Variants in DST observed in about 807,000 individuals in gnomAD.
The protein encoded by DST is bullous pemphigoid antigen.
Under a neutral mutation model 875.2 loss-of-function variants are expected in DST, and 253 were observed. The observed-to-expected ratio is 0.29, with a 90% CI of 0.26 to 0.32. The LOEUF is 0.32. Among genes scored for constraint, DST ranks in the 10% least tolerant of loss-of-function variants. The probability of loss-of-function intolerance (pLI) is 1.00; values close to 1 mark genes in which losing one functional copy is unlikely to be tolerated. For missense variants in DST, 8,287 were observed against 9,111.6 expected (o/e 0.91, Z 3.68); for synonymous variants, 3,124 against 3,197.1 (o/e 0.98, Z 0.77).
chr6:56,607,507 C>G lies in DST; in HGVS notation c.7121G>C (p.Arg2374Pro), dbSNP rs111657428. Residue 2374 changes from arginine to proline, a missense_variant, in exon 40 of 104, where the codon CGA becomes CCA. Arg to Pro is a moderately radical substitution (Grantham distance 103, BLOSUM62 -2). This residue lies in a region of DST where 3,138 missense variants were observed against 3,116.6 expected (regional missense o/e 1.01). Coordinates refer to ENST00000680361, the MANE Select transcript of DST (RefSeq NM_001374736.1). ...ATTTGCACGTTCATTTGTTTCCACT[C>G]GGCTTTGATTTTCATAGTTTGTAAG... Reference protein sequence around the residue: ...NILTNYENQSRVETNERANEC... With the variant: ...NILTNYENQSPVETNERANEC... 6.3e-7 allele frequency: 1 copy of G among 1,598,416 alleles called. No homozygotes were observed. The highest frequency in any genetic ancestry group is 8.5e-7 in the Non-Finnish European group (1 of 1,171,220).
intron 3 of DST, chr6:56,863,948 AT>A (rs1772653476): frequency 6.6e-6 from 1 of 152,224 alleles, no homozygotes; most frequent in Admixed American, 6.5e-5. Flanking sequence ...GTGACGGTTA[AT>A]TTTATGTGCC....
chr6:56,581,095 T>C (rs1037709469), intron 49 of DST, among the ~76,000 whole-genome samples: 1 of 96,222 alleles, frequency 1.0e-5, no homozygotes, highest in Non-Finnish European at 2.2e-5. Context: ...AAGCTAAGAG[T>C]AAAGGAATGC....
intron 49 of DST, among the ~76,000 whole-genome samples, chr6:56,580,984 C>A (rs1001751811): frequency 6.7e-6 from 1 of 150,040 alleles, no homozygotes; most frequent in African/African-American, 2.5e-5. Flanking sequence ...ATCCTCCCAC[C>A]TCGGCCGTCC....
In DST at chr6:56,640,301, A is replaced by C; in HGVS notation, c.2332T>G (p.Phe778Val). 1 of 1,614,140 alleles carries C rather than the reference A, an allele frequency of 6.2e-7. No individual in the cohort carries two copies. The highest frequency in any genetic ancestry group is 8.5e-7 in the Non-Finnish European group (1 of 1,180,016). The part of the protein sequence containing the change: ...PGFPSGLVPN[F>V]SSGVEPNSLQ... ...GAATTTGGCTCTACTCCTGAACTGA[A>C]ATTTGGAACTAATCCTGATGGGAAA... is the stretch of plus-strand genomic sequence containing the variant. Residue 778 changes from phenylalanine to valine, a missense_variant, in exon 18 of 104, where the codon TTC (phenylalanine) becomes GTC (valine). By Grantham distance (50) the Phe-to-Val change is conservative. Coordinates refer to ENST00000680361, the MANE Select transcript of DST (RefSeq NM_001374736.1).
intron 49 of DST, among the ~76,000 whole-genome samples, chr6:56,583,033 G>T (rs1005551238): frequency 6.6e-6 from 1 of 152,138 alleles, no homozygotes; most frequent in African/African-American, 2.4e-5. Flanking sequence ...CTTTGCTATT[G>T]TGAATAGTGC....
Position 56,640,294 on chromosome 6 carries a change from G to C in DST, c.2339C>G (p.Ser780Ter). The C allele has an allele frequency of 6.2e-7, 1 of 1,614,140 alleles. No individual in the cohort carries two copies. Among genetic ancestry groups the C allele is most frequent in the Non-Finnish European group, 8.5e-7 (1 of 1,180,008 alleles). Residue 780 changes from serine (S) to a stop codon, truncating the protein, a stop_gained, in exon 18 of 104, where the codon TCA becomes TGA. Transcript: ENST00000680361. LOFTEE classifies it high-confidence loss of function. ...FPSGLVPNFS[S>*]GVEPNSLQTL... ...TTGCAATGAATTTGGCTCTACTCCT[G>C]AACTGAAATTTGGAACTAATCCTGA...
At chr6:56,706,262 C>T (rs1402231915) in intron 5 of DST, among the ~76,000 whole-genome samples, 1 of 150,552 alleles carries the variant, frequency 6.6e-6, no homozygotes, top group African/African-American at 2.5e-5. Context: ...TGCAGTGGGC[C>T]GAGATCAAGC....
intron 5 of DST, among the ~76,000 whole-genome samples, chr6:56,726,959 A>C (rs1170175122): frequency 6.6e-6 from 1 of 152,190 alleles, no homozygotes; most frequent in African/African-American, 2.4e-5. Context: ...TGAATAACAA[A>C]CCAAGTCTAG....
intron 102 of DST, among the ~76,000 whole-genome samples, chr6:56,462,384 G>C (rs1192388673): frequency 1.3e-5 from 2 of 152,088 alleles, no homozygotes; most frequent in East Asian, 3.9e-4. Context: ...TAAAAAGTTA[G>C]AGCATGCTTA....
At chr6:56,853,557 T>C (rs1766354957) in intron 3 of DST, among the ~76,000 whole-genome samples, 2 of 151,214 alleles carry the variant, frequency 1.3e-5, no homozygotes, top group Non-Finnish European at 1.5e-5. Context: ...ATATTTCTTG[T>C]TACCTGTACT....
chr6:56,759,358 G>A (rs1174596471), intron 4 of DST, among the ~76,000 whole-genome samples: 1 of 152,088 alleles, frequency 6.6e-6, no homozygotes, highest in Admixed American at 6.5e-5. Flanking sequence ...GGCTGAGGAA[G>A]GAGAATTGCT....
chr6:56,527,761 T>A lies in DST; in HGVS notation c.17681-27A>T, dbSNP rs1210626755. On this transcript the variant is annotated intron_variant, in intron 67 of 103. Transcript: ENST00000680361. ...TAAAATTTCAAAGTCACGTTATTTC[T>A]TATGAAGGAAAAAAAAGGCAGGGAG... The A allele has an allele frequency of 3.8e-6, 6 of 1,566,660 alleles. No individual in the cohort carries two copies. In the Admixed American group the frequency reaches 7.6e-5, roughly 20 times the overall value.
chr6:56,753,432 G>T (rs1247089468), intron 4 of DST, among the ~76,000 whole-genome samples: 1 of 152,114 alleles, frequency 6.6e-6, no homozygotes, highest in Non-Finnish European at 1.5e-5. Context: ...ATTGGCTAAA[G>T]CAACAGTCTT....
intron 5 of DST, among the ~76,000 whole-genome samples, chr6:56,711,948 G>A (rs905433005): frequency 4.6e-5 from 7 of 151,056 alleles, no homozygotes; most frequent in Admixed American, 4.6e-4. Flanking sequence ...AAAATTAGCC[G>A]GGCGTAGTGG....
intron 3 of DST, among the ~76,000 whole-genome samples, chr6:56,889,671 A>G (rs1405726862): frequency 1.3e-5 from 2 of 152,190 alleles, no homozygotes; most frequent in Non-Finnish European, 2.9e-5. Flanking sequence ...ACAGGAGTAG[A>G]GTCAGTATGT....
chr6:56,739,366 A>G (rs1314150518), intron 4 of DST, among the ~76,000 whole-genome samples: 1 of 152,112 alleles, frequency 6.6e-6, no homozygotes, highest in Non-Finnish European at 1.5e-5. Flanking sequence ...AAGCAAGAAC[A>G]AGGAAACAGA....
intron 4 of DST, among the ~76,000 whole-genome samples, chr6:56,745,127 G>A (rs1245980546): frequency 6.6e-6 from 1 of 152,174 alleles, no homozygotes; most frequent in Non-Finnish European, 1.5e-5. Context: ...TACCAGGAAA[G>A]TTATCAGATA....
chr6:56,612,226 C>G (rs1056888349), intron 37 of DST, among the ~76,000 whole-genome samples: 22 of 151,952 alleles, frequency 1.4e-4, no homozygotes, highest in African/African-American at 5.1e-4. Context: ...CAAAAAGTAT[C>G]CAAGTATTGG....
chr6:56,636,386 G>A (rs148498180), intron 23 of DST, among the ~76,000 whole-genome samples, 171 bp downstream of exon 23: 22 of 149,380 alleles, frequency 1.5e-4, no homozygotes, highest in Middle Eastern at 3.6e-3. Flanking sequence ...ACACATATAT[G>A]TGTATACGTA....
Sources: allele counts gnomAD v4.1 joint callset (sites outside exome capture counted in the v4.1 genomes callset), GRCh38; gene constraint gnomAD v4.1.1; regional missense constraint gnomAD v4.1.1; transcripts MANE v1.5; gene names NCBI Gene and HGNC (gene_info 2026-07-23, HGNC 2026-07-21).